CADM2: variants seen among roughly 807,000 people sequenced by gnomAD.
CADM2 encodes the protein cell adhesion molecule 2.
A neutral mutation model predicts 49.8 loss-of-function variants in CADM2; 12 were observed. The ratio of observed to expected loss-of-function variants is 0.24; its 90% CI spans 0.15 to 0.39. The LOEUF is 0.39. Ranked by LOEUF, CADM2 falls within the 10% of genes least tolerant of loss-of-function variation. The pLI, the probability that CADM2 is intolerant of heterozygous loss-of-function variation, is 1.00. For missense variants in CADM2, 378 were observed against 492.3 expected, an observed-to-expected ratio of 0.77 and a Z score of 2.20; for synonymous variants, 214 against 175.4, an observed-to-expected ratio of 1.22 and a Z score of -1.74.
intron 1 of CADM2, among the ~76,000 whole-genome samples, chr3:85,055,492 C>T (rs1342557908): frequency 6.6e-6 from 1 of 152,122 alleles, no homozygotes; most frequent in East Asian, 1.9e-4. Flanking sequence ...TTATTAAAAA[C>T]TTGCATGCAC....
intron 8 of CADM2, among the ~76,000 whole-genome samples, chr3:86,062,088 T>A (rs942586953): frequency 6.6e-6 from 1 of 152,080 alleles, no homozygotes; most frequent in Non-Finnish European, 1.5e-5. Context: ...GAAATACTTT[T>A]TAGAATTTAC....
At chr3:85,141,508 A>G (rs2039575728) in intron 1 of CADM2, among the ~76,000 whole-genome samples, 1 of 152,204 alleles carries the variant, frequency 6.6e-6, no homozygotes, top group South Asian at 2.1e-4. Flanking sequence ...TCTAAAAACT[A>G]CTGATATACT....
At chr3:85,658,046 T>G (rs772838059) in intron 1 of CADM2, among the ~76,000 whole-genome samples, 10 of 152,094 alleles carry the variant, frequency 6.6e-5, no homozygotes, top group Non-Finnish European at 1.0e-4. Flanking sequence ...AGCTGAGCCA[T>G]GAACTGATGA....
intron 1 of CADM2, among the ~76,000 whole-genome samples, chr3:85,421,630 T>C (rs991819176): frequency 2.0e-5 from 3 of 152,208 alleles, no homozygotes; most frequent in Admixed American, 6.5e-5. Flanking sequence ...TTTTTATCTC[T>C]GCTTCAGAAT....
chr3:85,961,420 T>C (rs1303615350), intron 7 of CADM2, 49 bp from the exon 8 acceptor site: 1 of 1,422,920 alleles, frequency 7.0e-7, no homozygotes, highest in African/African-American at 1.4e-5. Context: ...TTTACACATA[T>C]TTAACATTTC....
chr3:86,061,693 A>G (rs1738673348), intron 8 of CADM2, among the ~76,000 whole-genome samples: 1 of 152,178 alleles, frequency 6.6e-6, no homozygotes. Context: ...ATCTGAAAAT[A>G]CCAAAAATGA....
chr3:85,546,404 C>T (rs2061671226), intron 1 of CADM2, among the ~76,000 whole-genome samples: 1 of 152,180 alleles, frequency 6.6e-6, no homozygotes, highest in African/African-American at 2.4e-5. Context: ...CCATCTCCCT[C>T]TCTTTCCCCT....
chr3:85,070,227 G>A (rs765261356), intron 1 of CADM2, among the ~76,000 whole-genome samples: 20 of 151,866 alleles, frequency 1.3e-4, no homozygotes, highest in African/African-American at 3.6e-4. Flanking sequence ...TCAAAATGTG[G>A]CGATTATGTG....
rs2035566681 is a variant in CADM2 at position 85,044,371 on chromosome 3, A to G, written c.61+84703A>G. Among the ~76,000 whole-genome samples, 5 of 152,162 alleles carry G rather than the reference A, an allele frequency of 3.3e-5. No homozygotes were observed. In the South Asian group the frequency reaches 1.0e-3, roughly 31 times the overall value. The stretch of plus-strand genomic sequence containing the variant: ...AGATTTAAAATGCAATCCTCAAAGC[A>G]GTTTGGCTTTTCTGCCAGGTGATGA... On this transcript the variant is annotated intron_variant, in intron 1 of 9. Coordinates refer to ENST00000383699, the MANE Select transcript of CADM2 (RefSeq NM_001167675.2).
At chr3:85,570,866 T>A (rs1309284167) in intron 1 of CADM2, among the ~76,000 whole-genome samples, 1 of 152,176 alleles carries the variant, frequency 6.6e-6, no homozygotes, top group Non-Finnish European at 1.5e-5. Context: ...TGTGTGTGAG[T>A]CTAATCAGGT....
At chr3:85,402,576 C>A (rs1326924750) in intron 1 of CADM2, among the ~76,000 whole-genome samples, 1 of 151,988 alleles carries the variant, frequency 6.6e-6, no homozygotes, top group African/African-American at 2.4e-5. Flanking sequence ...AAAAATCCAT[C>A]AATTTGTTAT....
At chr3:85,979,379 C>T in intron 8 of CADM2, 1 of 1,402,522 alleles carries the variant, frequency 7.1e-7, no homozygotes, top group Non-Finnish European at 9.6e-7. Context: ...TTCAATTTTA[C>T]TTAATTATGA....
chr3:85,765,688 C>T (rs576618172), intron 2 of CADM2, among the ~76,000 whole-genome samples: 6 of 152,056 alleles, frequency 3.9e-5, no homozygotes, highest in Non-Finnish European at 8.8e-5. Flanking sequence ...ACATTTTTAT[C>T]ATGTATTTCT....
At chr3:85,383,104 A>C (rs1219860332) in intron 1 of CADM2, among the ~76,000 whole-genome samples, 1 of 152,110 alleles carries the variant, frequency 6.6e-6, no homozygotes, top group African/African-American at 2.4e-5. Context: ...ACTGTGTTCA[A>C]ATAAGGCAAC....
chr3:85,422,299 T>G, intron 1 of CADM2, among the ~76,000 whole-genome samples: 1 of 152,142 alleles, frequency 6.6e-6, no homozygotes, highest in East Asian at 1.9e-4. Context: ...CTTTTTTTTT[T>G]GAGACAGAGT....
intron 1 of CADM2, among the ~76,000 whole-genome samples, chr3:85,671,140 A>G (rs141134516): frequency 9.6e-4 from 146 of 152,324 alleles, no homozygotes; most frequent in African/African-American, 3.4e-3. Context: ...TGTTTCTCCT[A>G]TAAAAGGAAG....
intron 8 of CADM2, among the ~76,000 whole-genome samples, chr3:86,049,659 G>C (rs963462316): frequency 2.6e-5 from 4 of 151,666 alleles, no homozygotes; most frequent in African/African-American, 7.3e-5. Context: ...CTTCTGGCAT[G>C]GGGGGCAGGC....
intron 1 of CADM2, among the ~76,000 whole-genome samples, chr3:85,702,369 A>T (rs942482524): frequency 1.1e-4 from 17 of 151,624 alleles, no homozygotes; most frequent in African/African-American, 4.1e-4. Flanking sequence ...GTTCTTTTTC[A>T]GCTCCTCTCT....
chr3:85,272,701 TGA>T (rs2043269381), intron 1 of CADM2, among the ~76,000 whole-genome samples: 1 of 151,348 alleles, frequency 6.6e-6, no homozygotes, highest in African/African-American at 2.4e-5. Context: ...TTACAATTAC[TGA>T]GTTATATCAC....
Sources: gnomAD v4.1 joint callset for allele counts (sites outside exome capture counted in the v4.1 genomes callset) on GRCh38, gnomAD v4.1.1 for gene constraint, MANE v1.5 for transcripts, NCBI Gene and HGNC (gene_info 2026-07-23, HGNC 2026-07-21) for gene names.